ADAR: variants seen among roughly 807,000 people sequenced by gnomAD.
ADAR encodes adenosine deaminase RNA specific, also known as double-stranded RNA-specific adenosine deaminase.
Under a neutral mutation model 113.2 loss-of-function variants are expected in ADAR, and 41 were observed. The observed-to-expected ratio is 0.36, with a 90% CI of 0.28 to 0.47. The LOEUF is 0.47. ADAR is among the 20% of genes least tolerant of loss of function. The pLI, the probability that ADAR is intolerant of heterozygous loss-of-function variation, is 1.00. For missense variants in ADAR, 1,242 were observed against 1,540.9 expected, an observed-to-expected ratio of 0.81 and a Z score of 3.25; for synonymous variants, 605 against 572.6, an observed-to-expected ratio of 1.06 and a Z score of -0.81.
chr1:154,606,284 G>A (rs558304916), intron 1 of ADAR, among the ~76,000 whole-genome samples: 1 of 151,718 alleles, frequency 6.6e-6, no homozygotes, highest in African/African-American at 2.4e-5. Context: ...CGCCCTCCTC[G>A]GCCTCCCAAA....
At chr1:154,610,469 A>T (rs1186782070), upstream of ADAR, among the ~76,000 whole-genome samples, 1 of 152,210 alleles carries the variant, frequency 6.6e-6, no homozygotes, top group Non-Finnish European at 1.5e-5. Flanking sequence ...TCCCACTTAC[A>T]GAAAGTCCCA....
intron 1 of ADAR, among the ~76,000 whole-genome samples, chr1:154,619,474 G>A (rs1467925408): frequency 1.3e-5 from 2 of 152,184 alleles, no homozygotes. Context: ...ACACAGCACT[G>A]CCTGAAAGAC....
At chr1:154,586,052 TC>T in intron 12 of ADAR, 128 bp downstream of exon 12, 2 of 1,304,566 alleles carry the variant, frequency 1.5e-6, no homozygotes, top group African/African-American at 1.5e-5. Context: ...GGACACTCAA[TC>T]AATTACTGAG....
chr1:154,596,350 C>T (rs1697493188), intron 6 of ADAR, among the ~76,000 whole-genome samples: 1 of 75,588 alleles, frequency 1.3e-5, no homozygotes, highest in Non-Finnish European at 2.9e-5. Context: ...TCAATCAATT[C>T]TCCTGTCTGC....
chr1:154,589,538 G>A, intron 8 of ADAR, 76 bp from the exon 9 acceptor site: 2 of 1,415,974 alleles, frequency 1.4e-6, no homozygotes, highest in African/African-American at 1.4e-5. Flanking sequence ...TATTTGTTCT[G>A]AAAGCTTCAA....
chr1:154,585,447 G>C (rs1443944606), intron 13 of ADAR, 103 bp from the exon 14 acceptor site: 3 of 1,544,468 alleles, frequency 1.9e-6, no homozygotes, highest in Non-Finnish European at 2.7e-6. Context: ...GTGGGGTCAT[G>C]ATCTTTCCCC....
chr1:154,606,826 C>T (rs1411555486), intron 1 of ADAR, among the ~76,000 whole-genome samples: 1 of 152,064 alleles, frequency 6.6e-6, no homozygotes, highest in Admixed American at 6.5e-5. Context: ...GAGATAAGCA[C>T]TACCCCCTTT....
chr1:154,590,240 T>A lies in ADAR; in HGVS notation c.2440A>T (p.Ser814Cys). The A allele has an allele frequency of 6.2e-7, 1 of 1,604,932 alleles. No homozygotes were observed. Among genetic ancestry groups the A allele is most frequent in the Non-Finnish European group, 8.5e-7 (1 of 1,174,796 alleles). The change falls in exon 7 of 15, where the codon AGT becomes TGT. Residue 814 changes from serine to cysteine, a missense_variant. By Grantham distance (112) the Ser-to-Cys change is moderately radical (BLOSUM62 -1). Transcript: ENST00000368474. ...FTEVTPVTGA[S>C]LRRTMLLLSR... ...AGGAGGAGCATAGTTCTTCTGAGAC[T>A]GGCCCCTGTCACTGGGGTTACCTCT... is the stretch of plus-strand genomic sequence containing the variant.
intron 1 of ADAR, among the ~76,000 whole-genome samples, chr1:154,604,135 C>T (rs1412900443): frequency 6.6e-6 from 1 of 152,192 alleles, no homozygotes; most frequent in Non-Finnish European, 1.5e-5. Flanking sequence ...GCCACTGTAG[C>T]ACAAAAACAG....
upstream of ADAR, among the ~76,000 whole-genome samples, chr1:154,611,132 A>G (rs1000902872): frequency 2.6e-5 from 4 of 152,132 alleles, no homozygotes; most frequent in African/African-American, 7.2e-5. Flanking sequence ...CAGGAGTTAT[A>G]TCTTACCTCT....
At chr1:154,627,935 A>ACCCCCCCCC in exon 1 of ADAR, 1 of 241,608 alleles carries the variant, frequency 4.1e-6, no homozygotes, top group South Asian at 2.3e-5. Flanking sequence ...ACCCTCCCCC[A>ACCCCCCCCC]CCACGTAGCC....
chr1:154,601,049 A>G lies in ADAR; in HGVS notation c.1593T>C (p.His531=), dbSNP rs1464950742. 4 of 1,614,134 alleles carry G rather than the reference A, an allele frequency of 2.5e-6. No homozygotes were observed. The highest frequency in any genetic ancestry group is 2.5e-6 in the Non-Finnish European group (3 of 1,180,026). Residue 531 remains histidine, a synonymous_variant, in exon 2 of 15, where the codon CAT becomes CAC. Transcript: ENST00000368474. The surrounding 1 kb of genome is among the most constrained non-coding windows in gnomAD (Gnocchi z 4.7). ...CCTGGGTGGTCTCTTACCGAGGTTCATGGGGTGGTCCACTCTGCTCTATCA... is the reference window on the plus strand; with the variant it reads ...CCTGGGTGGTCTCTTACCGAGGTTCGTGGGGTGGTCCACTCTGCTCTATCA... ...FNMIEQSGPP[H]EPRFKFQVVI...
intron 1 of ADAR, among the ~76,000 whole-genome samples, chr1:154,622,811 T>C (rs866914707): frequency 1.3e-5 from 2 of 152,254 alleles, no homozygotes; most frequent in African/African-American, 2.4e-5. Context: ...AAGATTTCCA[T>C]TCATTCATTT....
chr1:154,590,168 A>G lies in ADAR; in HGVS notation c.2496+16T>C. The G allele has an allele frequency of 9.1e-7, 1 of 1,096,414 alleles. No individual in the cohort carries two copies. The highest frequency in any genetic ancestry group is 1.9e-5 in the Admixed American group (1 of 53,376). 67.9% of individuals were successfully genotyped at this position (1,096,414 alleles called of 1,614,324 possible). ...CCCCCCGCCCCAAAAAAGGCACCAA[A>G]AGTAGACGTCTTAACTGTCTTTGGC... On this transcript the variant is annotated intron_variant, in intron 7 of 14. Coordinates refer to ENST00000368474, the MANE Select transcript of ADAR (RefSeq NM_001111.5).
At chr1:154,611,737 G>T (rs1390772719), upstream of ADAR, among the ~76,000 whole-genome samples, 1 of 152,102 alleles carries the variant, frequency 6.6e-6, no homozygotes, top group Non-Finnish European at 1.5e-5. Flanking sequence ...ACCTCCCCAG[G>T]GGCCTGTGAA....
chr1:154,592,555 T>G (rs1306466130), intron 6 of ADAR, among the ~76,000 whole-genome samples: 1 of 152,104 alleles, frequency 6.6e-6, no homozygotes, highest in Admixed American at 6.6e-5. Context: ...GGAAGGGATT[T>G]GGGATAGAAA....
At chr1:154,593,470 T>G (rs918010084) in intron 6 of ADAR, among the ~76,000 whole-genome samples, 28 of 152,308 alleles carry the variant, frequency 1.8e-4, no homozygotes, top group East Asian at 1.9e-4. Context: ...TCCATCTAGT[T>G]CATAGTAAGT....
rs1697007666 is a variant in ADAR, at chr1:154,589,808, T to C, written c.2617A>G (p.Ile873Val). ...LLGRKILAAI[I>V]MKKDSEDMGV... ...ATGTCCTCAGAGTCTTTTTTCATAA[T>C]GATGGCGGCCAGAATCTTGCGGCCG... Residue 873 changes from isoleucine to valine, a missense_variant, in exon 8 of 15, where the codon ATT becomes GTT. Transcript: ENST00000368474. 1.9e-6 allele frequency: 3 copies of C among 1,614,084 alleles called. No individual in the cohort carries two copies. The highest frequency in any genetic ancestry group is 2.7e-5 in the African/African-American group (2 of 75,022).
intron 2 of ADAR, 134 bp downstream of exon 2, chr1:154,600,907 T>C: frequency 7.9e-7 from 1 of 1,264,844 alleles, no homozygotes; most frequent in South Asian, 1.2e-5. Context: ...AAGGGGAATT[T>C]AGCTAAAAGG....
Sources: gnomAD v4.1 joint callset for allele counts (sites outside exome capture counted in the v4.1 genomes callset) on GRCh38, gnomAD v4.1.1 for gene constraint, Gnocchi (gnomAD v3.1) non-coding constraint, MANE v1.5 for transcripts, NCBI Gene and HGNC (gene_info 2026-07-23, HGNC 2026-07-21) for gene names.